The following OLFM3 variants were observed in gnomAD, a reference collection of about 807,000 sequenced individuals.
The protein encoded by OLFM3 is olfactomedin 3, also known as noelin-3.
Under a neutral mutation model 48.6 loss-of-function variants are expected in OLFM3, and 20 were observed. That is an observed-to-expected ratio of 0.41 (90% CI 0.29 to 0.60). OLFM3 has a LOEUF of 0.60. Among genes scored for constraint, OLFM3 ranks in the 20% least tolerant of loss-of-function variants. The pLI, the probability that OLFM3 is intolerant of heterozygous loss-of-function variation, is 0.28. For synonymous variants in OLFM3, 222 were observed against 198.1 expected (o/e 1.12, Z -1.01); for missense variants, 437 against 544.3 (o/e 0.80, Z 1.96).
intron 1 of OLFM3, among the ~76,000 whole-genome samples, chr1:101,923,976 C>T (rs1659182222): frequency 6.6e-6 from 1 of 152,108 alleles, no homozygotes; most frequent in African/African-American, 2.4e-5. Flanking sequence ...ATTAAAATTT[C>T]TGATCCACAT....
rs1200029392 is a variant in OLFM3 at position 101,836,864 on chromosome 1, A to AAATT, written c.216+14_216+15insAATT. 6.2e-7 allele frequency: 1 copy of AAATT among 1,613,284 alleles called. No individual in the cohort carries two copies. On this transcript the variant is annotated intron_variant, in intron 2 of 5. Coordinates refer to ENST00000370103, the MANE Select transcript of OLFM3 (RefSeq NM_058170.4). Reference sequence around the variant, plus strand: ...ATTTTACTAAAAATATGCATAGGGGACACAGGACACCTACCTTTTCCAGTA... The same window carrying AAATT: ...ATTTTACTAAAAATATGCATAGGGGAAATTCACAGGACACCTACCTTTTCCAGTA...
chr1:101,823,065 A>G (rs912992756), intron 4 of OLFM3, among the ~76,000 whole-genome samples: 2 of 152,008 alleles, frequency 1.3e-5, no homozygotes, highest in Non-Finnish European at 2.9e-5. Flanking sequence ...AATTATTCCT[A>G]TGACTCCTTA....
chr1:101,812,512 C>A lies in OLFM3; in HGVS notation c.593-6330G>T, dbSNP rs17125483. On this transcript the variant is annotated intron_variant, in intron 4 of 5. Transcript: ENST00000370103. Reference sequence around the variant, plus strand: ...TTCAGATGTTGAGGTGTGCATAATCCGATGTTGATTAGTTGAAACCTGAAC... The same window carrying A: ...TTCAGATGTTGAGGTGTGCATAATCAGATGTTGATTAGTTGAAACCTGAAC... 1.2e-3 allele frequency: 1,224 copies of A among 985,244 alleles called. 14 individuals carry two copies. In the African/African-American group the frequency reaches 0.02, roughly 16 times the overall value. The allele number at this position is 985,244 out of a possible 1,614,324, so 61.0% of individuals were successfully genotyped here. A position where few individuals can be genotyped will look rare whatever the true frequency, so the allele number is the denominator to read the frequency against.
intron 1 of OLFM3, among the ~76,000 whole-genome samples, chr1:101,843,942 T>G (rs1570553400): frequency 6.6e-6 from 1 of 152,280 alleles, no homozygotes; most frequent in Non-Finnish European, 1.5e-5. Flanking sequence ...GTGTGGTATA[T>G]TGCAAACTCA....
chr1:101,831,689 A>C (rs1235055651), intron 2 of OLFM3, among the ~76,000 whole-genome samples: 2 of 152,226 alleles, frequency 1.3e-5, no homozygotes, highest in Admixed American at 6.5e-5. Flanking sequence ...ACTCAAAGCA[A>C]CAATTTTGGT....
intron 1 of OLFM3, among the ~76,000 whole-genome samples, chr1:101,895,970 GTAA>G (rs71720190): frequency 0.38 from 54,647 of 144,850 alleles, 11,196 homozygotes; most frequent in South Asian, 0.5. Context: ...TAAAACATAG[GTAA>G]TAATAATAAT....
intron 1 of OLFM3, among the ~76,000 whole-genome samples, chr1:101,892,327 A>G (rs1196153142): frequency 6.6e-6 from 1 of 152,016 alleles, no homozygotes; most frequent in Non-Finnish European, 1.5e-5. Flanking sequence ...TGGTGAATAT[A>G]AGAGACCCCA....
chr1:101,929,325 G>A (rs1279713655), intron 1 of OLFM3, among the ~76,000 whole-genome samples: 1 of 152,032 alleles, frequency 6.6e-6, no homozygotes, highest in Non-Finnish European at 1.5e-5. Flanking sequence ...AGGTATTTTG[G>A]GAAACCCACT....
intron 1 of OLFM3, among the ~76,000 whole-genome samples, chr1:101,963,579 T>C (rs1181313253): frequency 6.6e-6 from 1 of 152,078 alleles, no homozygotes; most frequent in Non-Finnish European, 1.5e-5. Context: ...CATTTTTGTT[T>C]CTTTCTCTTT....
intron 1 of OLFM3, among the ~76,000 whole-genome samples, chr1:101,924,139 A>T (rs1659187740): frequency 6.6e-6 from 1 of 152,176 alleles, no homozygotes; most frequent in African/African-American, 2.4e-5. Flanking sequence ...TTGCTTAGAA[A>T]ATGAACCAGC....
rs575117142 is a variant in OLFM3 at position 101,940,477 on chromosome 1, A to G, written c.69+56271T>C. 2.0e-5 allele frequency among the ~76,000 whole-genome samples: 3 copies of G among 150,346 alleles called. No individual in the cohort carries two copies. In the East Asian group the frequency reaches 5.9e-4, roughly 29 times the overall value. On this transcript the variant is annotated intron_variant, in intron 1 of 5. Transcript: ENST00000370103. The stretch of plus-strand genomic sequence containing the variant: ...TTCTAATCTATTATCTATCTTTCTA[A>G]TCTATTATCTATCTTTCAATCATCT...
intron 3 of OLFM3, among the ~76,000 whole-genome samples, chr1:101,827,556 T>A (rs771047050): frequency 5.3e-5 from 8 of 152,178 alleles, no homozygotes; most frequent in Non-Finnish European, 8.8e-5. Flanking sequence ...TTGAATTTAC[T>A]TTGGAACGTT....
In OLFM3 at chr1:101,825,180, A is replaced by G. The variant is rs776191087; in HGVS notation, c.438T>C (p.Asp146=). Residue 146 remains aspartate, a synonymous_variant, in exon 4 of 6, where the codon GAT becomes GAC. Transcript: ENST00000370103. The part of the protein sequence containing the change: ...LIPVLEQYKT[D]AKLITQFKEE... ...CCTTGAACTGGGTGATTAACTTAGCATCTGTTTTGTACTGTTCCAGCACGG... is the reference window on the plus strand; with the variant it reads ...CCTTGAACTGGGTGATTAACTTAGCGTCTGTTTTGTACTGTTCCAGCACGG... 6.2e-7 allele frequency: 1 copy of G among 1,614,004 alleles called. No homozygotes were observed. Among genetic ancestry groups the G allele is most frequent in the Non-Finnish European group, 8.5e-7 (1 of 1,179,942 alleles).
intron 1 of OLFM3, among the ~76,000 whole-genome samples, chr1:101,918,678 T>C (rs941551216): frequency 1.3e-5 from 2 of 152,130 alleles, no homozygotes; most frequent in African/African-American, 4.8e-5. Flanking sequence ...CAAAGTTTTT[T>C]TGTCCATGTA....
At chr1:101,964,188 G>T (rs918521674) in intron 1 of OLFM3, among the ~76,000 whole-genome samples, 19 of 152,094 alleles carry the variant, frequency 1.2e-4, no homozygotes, top group Non-Finnish European at 2.4e-4. Flanking sequence ...TATGTATGTG[G>T]AAGAAAGTTT....
intron 1 of OLFM3, among the ~76,000 whole-genome samples, chr1:101,898,106 A>T (rs888295375): frequency 1.3e-5 from 2 of 152,124 alleles, no homozygotes; most frequent in Non-Finnish European, 2.9e-5. Flanking sequence ...CTTAATATTT[A>T]CCTACAATAG....
At chr1:101,955,663 A>C (rs575911492) in intron 1 of OLFM3, among the ~76,000 whole-genome samples, 8 of 152,050 alleles carry the variant, frequency 5.3e-5, no homozygotes, top group Non-Finnish European at 7.4e-5. Context: ...AACTTGTTGA[A>C]GTTCAACACA....
chr1:101,990,925 C>A (rs1388017335), intron 1 of OLFM3, among the ~76,000 whole-genome samples: 2 of 135,878 alleles, frequency 1.5e-5, no homozygotes, highest in African/African-American at 5.6e-5. Flanking sequence ...GCAGAGCTTG[C>A]AGTGAGCCGA....
rs555938748 is a variant in OLFM3 at position 101,943,224 on chromosome 1, T to C, written c.69+53524A>G. Among the ~76,000 whole-genome samples the C allele has an allele frequency of 3.9e-5, 6 of 152,316 alleles. No individual in the cohort carries two copies. The South Asian group carries it at 1.2e-3, about 32-fold the overall frequency. On this transcript the variant is annotated intron_variant, in intron 1 of 5. Coordinates refer to ENST00000370103, the MANE Select transcript of OLFM3 (RefSeq NM_058170.4). ...AATAATCCGGATGAGCCTGAATCAA[T>C]TGGCTGATGAACCTTAAAATTAGAG...
Sources: gnomAD v4.1 joint callset for allele counts (sites outside exome capture counted in the v4.1 genomes callset) on GRCh38, gnomAD v4.1.1 for gene constraint, MANE v1.5 for transcripts, NCBI Gene and HGNC (gene_info 2026-07-23, HGNC 2026-07-21) for gene names.